SYMPK: variants seen among roughly 807,000 people sequenced by gnomAD.
SYMPK encodes the protein symplekin.
Under a neutral mutation model 136.4 loss-of-function variants are expected in SYMPK, and 49 were observed. The observed-to-expected ratio is 0.36, with a 90% CI of 0.29 to 0.46. The LOEUF (loss-of-function observed/expected upper bound fraction) is 0.46, where lower values mean the gene tolerates loss of function less well. Among genes scored for constraint, SYMPK ranks in the 20% least tolerant of loss-of-function variants. The pLI is 1.00. For missense variants in SYMPK, 1,365 were observed against 1,690.0 expected (o/e 0.81, Z 3.37); for synonymous variants, 766 against 713.0 (o/e 1.07, Z -1.19).
intron 10 of SYMPK, 44 bp downstream of exon 10, chr19:45,838,417 C>T: frequency 6.3e-7 from 1 of 1,585,290 alleles, no homozygotes; most frequent in Non-Finnish European, 8.6e-7. Flanking sequence ...CGAGGAGATC[C>T]TTCCTTCCTG....
At chr19:45,851,249 C>A (rs996165856) in intron 5 of SYMPK, among the ~76,000 whole-genome samples, 9 of 152,110 alleles carry the variant, frequency 5.9e-5, no homozygotes, top group Non-Finnish European at 1.2e-4. Context: ...AGATTGTGAA[C>A]GTGCTAAATG....
intron 10 of SYMPK, among the ~76,000 whole-genome samples, chr19:45,837,964 T>C (rs1243789717): frequency 6.6e-6 from 1 of 152,082 alleles, no homozygotes; most frequent in African/African-American, 2.4e-5. Flanking sequence ...AGAAGCGGGT[T>C]GCATACCCAG....
At chr19:45,817,866 G>T in intron 23 of SYMPK, 93 bp downstream of exon 23, 1 of 1,305,812 alleles carries the variant, frequency 7.7e-7, no homozygotes, top group Admixed American at 2.4e-5. Context: ...CCTCCACCGG[G>T]CTCCCTCCGG....
At position 45,827,722 on chromosome 19, in the gene SYMPK, G is replaced by T. The variant is rs536144315; in HGVS notation, c.2068-99C>A. ...TCTGATCAGGTACCTGGACAAAAGG[G>T]CCCGGTCCCTCACAAAACCCCCGGC... On this transcript the variant is annotated intron_variant, in intron 15 of 26. Transcript: ENST00000245934. 13 of 1,484,650 alleles carry T rather than the reference G, an allele frequency of 8.8e-6. No homozygotes were observed. The East Asian group carries it at 2.9e-4, about 34-fold the overall frequency. 92.0% of individuals were successfully genotyped at this position (1,484,650 alleles called of 1,614,324 possible). A position where few individuals can be genotyped will look rare whatever the true frequency, so the allele number is the denominator to read the frequency against.
intron 11 of SYMPK, among the ~76,000 whole-genome samples, chr19:45,833,802 C>G (rs1352358018): frequency 6.6e-6 from 1 of 152,314 alleles, no homozygotes; most frequent in Middle Eastern, 3.4e-3. Flanking sequence ...AATTCCACAC[C>G]TGACCTCGTG....
At chr19:45,828,686 T>G in intron 14 of SYMPK, 1 of 487,858 alleles carries the variant, frequency 2.0e-6, no homozygotes, top group Non-Finnish European at 3.7e-6. Context: ...TATTTACAGA[T>G]GGGAAAATGG....
At chr19:45,835,323 T>C in intron 10 of SYMPK, 95 bp from the exon 11 acceptor site, 4 of 1,289,356 alleles carry the variant, frequency 3.1e-6, no homozygotes, top group African/African-American at 1.5e-5. Flanking sequence ...TGGCAGTGCC[T>C]AAGACCGACT....
chr19:45,834,515 AGCTCATTATGAGC>A (rs1971258922), intron 11 of SYMPK, among the ~76,000 whole-genome samples: 1 of 111,922 alleles, frequency 8.9e-6, no homozygotes. Context: ...AGCTATGTTT[AGCTCATTATGAGC>A]TAAACATAAA....
chr19:45,815,413 C>T lies in SYMPK; in HGVS notation c.*147G>A. The T allele has an allele frequency of 1.0e-6, 1 of 987,122 alleles. No homozygotes were observed. The highest frequency in any genetic ancestry group is 1.4e-6 in the Non-Finnish European group (1 of 728,538). The allele number at this position is 987,122 out of a possible 1,614,324, so 61.1% of individuals were successfully genotyped here. ...TCGAGACGGCACCCGCGCCCCAGGC[C>T]CGCCATCCCTTTTTTTTTTTCTTTT... On this transcript the variant is annotated 3_prime_UTR_variant, in exon 27 of 27. Transcript: ENST00000245934.
chr19:45,829,029 A>G lies in SYMPK; in HGVS notation c.1926T>C (p.Tyr642=), dbSNP rs1971109932. The G allele has an allele frequency of 6.2e-7, 1 of 1,614,192 alleles. No homozygotes were observed. Among genetic ancestry groups the G allele is most frequent in the Non-Finnish European group, 8.5e-7 (1 of 1,180,038 alleles). ...AAGASGSLDK[Y]EDCLIRLLSG... ...ACAACAGGCGGATGAGGCAGTCCTC[A>G]TACTTGTCCAGGGAGCCCGAGGCAC... is the stretch of plus-strand genomic sequence containing the variant. The change falls in exon 14 of 27, where the codon TAT becomes TAC. Residue 642 remains tyrosine (Y), a synonymous_variant. Coordinates refer to ENST00000245934, the MANE Select transcript of SYMPK (RefSeq NM_004819.3).
intron 7 of SYMPK, 119 bp downstream of exon 7, chr19:45,847,633 C>T (rs1971596389): frequency 6.3e-6 from 8 of 1,264,732 alleles, no homozygotes; most frequent in South Asian, 1.5e-5. Flanking sequence ...ATCTTAACTA[C>T]TGCACACACT....
Position 45,830,217 on chromosome 19 carries a change from G to C in SYMPK, c.1599-13C>G, listed in dbSNP as rs780449186. The C allele has an allele frequency of 1.9e-6, 3 of 1,607,256 alleles. No individual in the cohort carries two copies. The highest frequency in any genetic ancestry group is 2.6e-6 in the Non-Finnish European group (3 of 1,175,732). On this transcript the variant is annotated splice_polypyrimidine_tract_variant and intron_variant, in intron 12 of 26. Coordinates refer to ENST00000245934, the MANE Select transcript of SYMPK (RefSeq NM_004819.3). The stretch of plus-strand genomic sequence containing the variant: ...AGCGCCTGCCAGCCTGTGTGGAAGA[G>C]CAGTGACAGAGATGCAGTGACCCAG...
chr19:45,847,890 G>C lies in SYMPK; in HGVS notation c.538C>G (p.Arg180Gly). 6.2e-7 allele frequency: 1 copy of C among 1,613,992 alleles called. No individual in the cohort carries two copies. The highest frequency in any genetic ancestry group is 8.5e-7 in the Non-Finnish European group (1 of 1,179,976). Reference sequence around the variant, plus strand: ...TCCACAAACTTGATGGCGTGGGTGCGGATGCCGTCATTGTCAGAGTCCAAT... The same window carrying C: ...TCCACAAACTTGATGGCGTGGGTGCCGATGCCGTCATTGTCAGAGTCCAAT... ...LLLDSDNDGI[R>G]THAIKFVEGL... Residue 180 changes from arginine (R) to glycine (G), a missense_variant, in exon 7 of 27, where the codon CGC becomes GGC. Coordinates refer to ENST00000245934, the MANE Select transcript of SYMPK (RefSeq NM_004819.3).
rs182151976 is a variant in SYMPK at position 45,821,369 on chromosome 19, G to T, written c.2893+15C>A. 1 of 1,607,690 alleles carries T rather than the reference G, an allele frequency of 6.2e-7. No individual in the cohort carries two copies. Among genetic ancestry groups the T allele is most frequent in the Non-Finnish European group, 8.5e-7 (1 of 1,174,484 alleles). On this transcript the variant is annotated intron_variant, in intron 22 of 26. Transcript: ENST00000245934. The surrounding 1 kb of genome is among the most constrained non-coding windows in gnomAD (Gnocchi z 4.4). ...GCAGGGGCCAGGCCACTGGAGTGGG[G>T]GGGAAGCGCCTCACCTTTGATGATG...
chr19:45,854,655 T>A, intron 1 of SYMPK, 148 bp from the exon 2 acceptor site: 1 of 646,076 alleles, frequency 1.5e-6, no homozygotes, highest in Non-Finnish European at 2.8e-6. Flanking sequence ...CCCTCTCCCC[T>A]CCAGGGTCTG....
intron 20 of SYMPK, among the ~76,000 whole-genome samples, 167 bp from the exon 21 acceptor site, chr19:45,823,013 C>G (rs1463626014): frequency 6.6e-6 from 1 of 152,204 alleles, no homozygotes; most frequent in Non-Finnish European, 1.5e-5. Context: ...CTCCCCAGCT[C>G]TCACCCCATC....
intron 1 of SYMPK, among the ~76,000 whole-genome samples, chr19:45,859,953 T>TCAAAAA (rs1491508236): frequency 2.3e-5 from 2 of 85,668 alleles, no homozygotes; most frequent in African/African-American, 4.6e-5. Flanking sequence ...AGACTCCATC[T>TCAAAAA]AAAAAAAAAA....
rs763859695 is a variant in SYMPK, at chr19:45,842,403, G to A, written c.934C>T (p.Pro312Ser). ...TGGGCCTGGAACTCCAAGGAAGCCGGGTGCTTCAGCACACTCAACAGGTGC... is the reference window on the plus strand; with the variant it reads ...TGGGCCTGGAACTCCAAGGAAGCCGAGTGCTTCAGCACACTCAACAGGTGC... Reference protein sequence around the residue: ...KLHLLSVLKHPASLEFQAQIT... With the variant: ...KLHLLSVLKHSASLEFQAQIT... Residue 312 changes from proline to serine, a missense_variant, in exon 9 of 27, where the codon CCG becomes TCG. By Grantham distance (74) the Pro-to-Ser change is moderately conservative. Coordinates refer to ENST00000245934, the MANE Select transcript of SYMPK (RefSeq NM_004819.3). 35 of 1,614,066 alleles carry A rather than the reference G, an allele frequency of 2.2e-5. No homozygotes were observed. Among genetic ancestry groups the A allele is most frequent in the Non-Finnish European group, 2.7e-5 (32 of 1,180,054 alleles).
At chr19:45,817,260 C>G (rs927355731) in intron 23 of SYMPK, 2 of 421,638 alleles carry the variant, frequency 4.7e-6, no homozygotes, top group Non-Finnish European at 4.2e-6. Context: ...GAGCACCTCT[C>G]ATGACATTCT....
Sources: gnomAD v4.1 joint callset for allele counts (sites outside exome capture counted in the v4.1 genomes callset) on GRCh38, gnomAD v4.1.1 for gene constraint, Gnocchi (gnomAD v3.1) non-coding constraint, MANE v1.5 for transcripts, NCBI Gene and HGNC (gene_info 2026-07-23, HGNC 2026-07-21) for gene names.